GPC5: variants seen among roughly 807,000 people sequenced by gnomAD.
GPC5 encodes the protein glypican 5.
GPC5 carries 47 observed loss-of-function variants against 53.9 expected under a neutral mutation model. That is an observed-to-expected ratio of 0.87 (90% CI 0.69 to 1.11). The LOEUF is 1.11. Among genes scored for constraint, GPC5 ranks in the 50% most tolerant of loss-of-function variants. The probability of loss-of-function intolerance (pLI) is 0.00; values close to 1 mark genes in which losing one functional copy is unlikely to be tolerated. For missense variants in GPC5, 748 were observed against 713.1 expected, an observed-to-expected ratio of 1.05 and a Z score of -0.56; for synonymous variants, 286 against 263.3, an observed-to-expected ratio of 1.09 and a Z score of -0.84.
At chr13:91,459,852 G>T (rs1881818158) in intron 2 of GPC5, among the ~76,000 whole-genome samples, 1 of 152,064 alleles carries the variant, frequency 6.6e-6, no homozygotes, top group South Asian at 2.1e-4. Flanking sequence ...AATTGATTTT[G>T]ATATAATTCA....
intron 7 of GPC5, among the ~76,000 whole-genome samples, chr13:92,561,627 A>G (rs1177786576): frequency 3.9e-5 from 6 of 152,060 alleles, no homozygotes; most frequent in Non-Finnish European, 8.8e-5. Context: ...TTTCTTTAAA[A>G]TGTGTAACTG....
chr13:92,172,126 T>G (rs545549692), intron 7 of GPC5, among the ~76,000 whole-genome samples: 1 of 152,274 alleles, frequency 6.6e-6, no homozygotes, highest in African/African-American at 2.4e-5. Context: ...CCTAAATGAA[T>G]AAAAGAATGA....
chr13:91,909,294 A>G (rs1157934879), intron 6 of GPC5, among the ~76,000 whole-genome samples: 1 of 152,168 alleles, frequency 6.6e-6, no homozygotes, highest in African/African-American at 2.4e-5. Context: ...ATAGTATAAT[A>G]TGTACATCTA....
chr13:91,990,392 AG>A (rs1418551701), intron 6 of GPC5, among the ~76,000 whole-genome samples: 2 of 152,134 alleles, frequency 1.3e-5, no homozygotes, highest in African/African-American at 4.8e-5. Flanking sequence ...TCGTTGGTAC[AG>A]GGGTGGCTGT....
At chr13:91,895,506 G>T (rs1388916569) in intron 5 of GPC5, among the ~76,000 whole-genome samples, 1 of 152,098 alleles carries the variant, frequency 6.6e-6, no homozygotes, top group African/African-American at 2.4e-5. Flanking sequence ...AGGCTACAAA[G>T]ACCTTTTTGC....
intron 6 of GPC5, among the ~76,000 whole-genome samples, chr13:91,991,495 C>T (rs540562362): frequency 1.3e-5 from 2 of 152,112 alleles, no homozygotes; most frequent in African/African-American, 2.4e-5. Context: ...TGAGTGGGTA[C>T]TAGCTTTAAT....
intron 6 of GPC5, among the ~76,000 whole-genome samples, chr13:92,031,744 A>ATTAC (rs1491543107): frequency 1.8e-4 from 15 of 82,568 alleles, no homozygotes; most frequent in Non-Finnish European, 2.8e-4. Flanking sequence ...TATTATATAT[A>ATTAC]ATATATATTA....
intron 5 of GPC5, among the ~76,000 whole-genome samples, chr13:91,764,613 G>A (rs1025447087): frequency 3.3e-5 from 5 of 152,272 alleles, no homozygotes; most frequent in East Asian, 3.9e-4. Context: ...ATAATCAAAC[G>A]TGTGAAATTC....
chr13:92,724,696 A>G (rs1888589015), intron 7 of GPC5, among the ~76,000 whole-genome samples: 1 of 151,620 alleles, frequency 6.6e-6, no homozygotes, highest in Non-Finnish European at 1.5e-5. Flanking sequence ...ATTGAACAGT[A>G]TTTGCAGGGA....
At chr13:91,707,235 G>T (rs1164957511) in intron 3 of GPC5, among the ~76,000 whole-genome samples, 1 of 152,158 alleles carries the variant, frequency 6.6e-6, no homozygotes, top group East Asian at 1.9e-4. Context: ...CAAATGAAAA[G>T]ATGTTTAACA....
At chr13:91,421,392 T>C (rs1473930690) in intron 1 of GPC5, among the ~76,000 whole-genome samples, 17 of 152,202 alleles carry the variant, frequency 1.1e-4, no homozygotes, top group Admixed American at 1.1e-3. Flanking sequence ...ATTAGGATAA[T>C]AATTGTATCC....
intron 6 of GPC5, among the ~76,000 whole-genome samples, chr13:91,933,229 C>T (rs2039838175): frequency 6.6e-6 from 1 of 151,890 alleles, no homozygotes; most frequent in Non-Finnish European, 1.5e-5. Flanking sequence ...CTTCTTTGCT[C>T]AGGCCTGTTT....
At chr13:92,026,516 A>G (rs575696190) in intron 6 of GPC5, among the ~76,000 whole-genome samples, 2 of 151,488 alleles carry the variant, frequency 1.3e-5, no homozygotes, top group East Asian at 1.9e-4. Context: ...ATCATTAATC[A>G]TAGAACTTGC....
intron 7 of GPC5, among the ~76,000 whole-genome samples, chr13:92,581,203 T>G (rs1883356810): frequency 6.6e-6 from 1 of 152,130 alleles, no homozygotes; most frequent in Admixed American, 6.6e-5. Flanking sequence ...ATTTTCTGTC[T>G]TTTCACCCTT....
chr13:91,803,807 G>C (rs374587742), intron 5 of GPC5, among the ~76,000 whole-genome samples: 44 of 115,482 alleles, frequency 3.8e-4, no homozygotes, highest in South Asian at 6.1e-4. Flanking sequence ...CACACACACA[G>C]AGGAAAAGAG....
intron 6 of GPC5, among the ~76,000 whole-genome samples, chr13:91,992,615 G>T (rs934836992): frequency 6.6e-6 from 1 of 152,006 alleles, no homozygotes; most frequent in African/African-American, 2.4e-5. Context: ...CAGCCACCAT[G>T]CCTGGCTAAT....
chr13:92,062,312 AG>A (rs1470856038), intron 6 of GPC5, among the ~76,000 whole-genome samples: 3 of 151,990 alleles, frequency 2.0e-5, no homozygotes, highest in African/African-American at 7.2e-5. Context: ...TTGCTTCCTA[AG>A]AAATACTGTT....
chr13:91,555,640 A>T (rs1409784210), intron 2 of GPC5, among the ~76,000 whole-genome samples: 1 of 151,992 alleles, frequency 6.6e-6, no homozygotes. Flanking sequence ...GTCTGTACTC[A>T]TGTTGCTAAA....
chr13:91,610,886 T>C (rs2033527332), intron 2 of GPC5, among the ~76,000 whole-genome samples: 1 of 152,304 alleles, frequency 6.6e-6, no homozygotes, highest in East Asian at 1.9e-4. Context: ...ATTGCTTAAA[T>C]GTAGTGTCAT....
Sources: allele counts gnomAD v4.1 joint callset (sites outside exome capture counted in the v4.1 genomes callset), GRCh38; gene constraint gnomAD v4.1.1; transcripts MANE v1.5; gene names NCBI Gene and HGNC (gene_info 2026-07-23, HGNC 2026-07-21).